Variants in SDCCAG8 observed in about 807,000 individuals in gnomAD.
The protein encoded by SDCCAG8 is serologically defined colon cancer antigen 8.
SDCCAG8 carries 74 observed loss-of-function variants against 101.8 expected under a neutral mutation model. The ratio of observed to expected loss-of-function variants is 0.73; its 90% confidence interval spans 0.60 to 0.88. The LOEUF (loss-of-function observed/expected upper bound fraction) is 0.88. SDCCAG8 is among the 40% of genes least tolerant of loss of function. The pLI is 0.00. For synonymous variants in SDCCAG8, 281 were observed against 292.9 expected, an observed-to-expected ratio of 0.96 and a Z score of 0.41; for missense variants, 787 against 822.6, an observed-to-expected ratio of 0.96 and a Z score of 0.53.
chr1:243,395,982 C>T (rs539061100), intron 13 of SDCCAG8, among the ~76,000 whole-genome samples: 1 of 152,136 alleles, frequency 6.6e-6, no homozygotes, highest in South Asian at 2.1e-4. Flanking sequence ...AATATAAAAG[C>T]AGCCTTATGA....
At chr1:243,455,741 A>G (rs2083693110) in intron 16 of SDCCAG8, among the ~76,000 whole-genome samples, 1 of 152,228 alleles carries the variant, frequency 6.6e-6, no homozygotes, top group African/African-American at 2.4e-5. Flanking sequence ...CATATTTACA[A>G]AATGGATTAG....
intron 13 of SDCCAG8, among the ~76,000 whole-genome samples, chr1:243,381,374 A>C (rs1398723827): frequency 1.3e-5 from 2 of 152,234 alleles, no homozygotes; most frequent in African/African-American, 2.4e-5. Flanking sequence ...GAATCACTTG[A>C]GGCTAAGAGT....
At chr1:243,277,019 A>C (rs1281937407) in intron 4 of SDCCAG8, among the ~76,000 whole-genome samples, 1 of 152,192 alleles carries the variant, frequency 6.6e-6, no homozygotes, top group Non-Finnish European at 1.5e-5. Flanking sequence ...CAATTAGATG[A>C]ATATACCATA....
chr1:243,401,949 C>T (rs759382739), intron 13 of SDCCAG8, among the ~76,000 whole-genome samples: 1 of 152,010 alleles, frequency 6.6e-6, no homozygotes, highest in Admixed American at 6.6e-5. Context: ...GAGGCACTTA[C>T]GTTTAGTAGT....
chr1:243,257,938 T>A (rs2066900099), intron 1 of SDCCAG8, among the ~76,000 whole-genome samples: 1 of 152,238 alleles, frequency 6.6e-6, no homozygotes, highest in Admixed American at 6.5e-5. Context: ...TAAGTCTTTA[T>A]ATAATTGTCG....
intron 16 of SDCCAG8, among the ~76,000 whole-genome samples, chr1:243,479,627 C>T (rs917119403): frequency 6.6e-6 from 1 of 152,126 alleles, no homozygotes; most frequent in Admixed American, 6.5e-5. Context: ...TGAAGTTTGC[C>T]GACCTCACTT....
intron 15 of SDCCAG8, among the ~76,000 whole-genome samples, chr1:243,420,269 C>T (rs1271445227): frequency 2.0e-5 from 3 of 152,182 alleles, no homozygotes; most frequent in Admixed American, 1.3e-4. Flanking sequence ...AGCCACACTG[C>T]AGGATTGTTA....
rs138372631 is a variant in SDCCAG8, at chr1:243,449,740, G to T, written c.1985+23182G>T. Reference sequence around the variant, plus strand: ...TTATGCCTCTGTGTTCACTAGCAGGGTTACCTCCTGTTAGGCCCGACTGGA... The same window carrying T: ...TTATGCCTCTGTGTTCACTAGCAGGTTTACCTCCTGTTAGGCCCGACTGGA... On this transcript the variant is annotated intron_variant, in intron 16 of 17. Transcript: ENST00000366541. Among the ~76,000 whole-genome samples the T allele has an allele frequency of 4.5e-3, 678 of 152,266 alleles. 5 individuals are homozygous for T. The highest frequency in any genetic ancestry group is 6.8e-3 in the Non-Finnish European group (461 of 68,008).
chr1:243,278,248 T>C (rs1197026612), intron 4 of SDCCAG8, among the ~76,000 whole-genome samples: 1 of 152,110 alleles, frequency 6.6e-6, no homozygotes, highest in Admixed American at 6.5e-5. Flanking sequence ...TGAGGTGGAG[T>C]CTCGCTCTGT....
chr1:243,465,248 C>T (rs1659898343), intron 16 of SDCCAG8, among the ~76,000 whole-genome samples: 1 of 152,238 alleles, frequency 6.6e-6, no homozygotes, highest in Non-Finnish European at 1.5e-5. Flanking sequence ...GCTGCCATGC[C>T]CAACACCTCC....
chr1:243,424,005 GT>G (rs1329047733), intron 15 of SDCCAG8, among the ~76,000 whole-genome samples: 2 of 152,048 alleles, frequency 1.3e-5, no homozygotes, highest in Non-Finnish European at 2.9e-5. Flanking sequence ...TGGTTTTGTT[GT>G]GCTATTTTTT....
intron 10 of SDCCAG8, among the ~76,000 whole-genome samples, chr1:243,338,421 C>CT (rs201615104): frequency 7.9e-4 from 111 of 140,896 alleles, no homozygotes; most frequent in East Asian, 1.4e-3. Flanking sequence ...CCTTACTTTT[C>CT]TTTTTTTTTT....
At chr1:243,365,161 T>TCTC (rs1450335855) in intron 12 of SDCCAG8, among the ~76,000 whole-genome samples, 1 of 152,026 alleles carries the variant, frequency 6.6e-6, no homozygotes, top group Non-Finnish European at 1.5e-5. Flanking sequence ...GCTTAGCGAG[T>TCTC]GGTTTAACTT....
chr1:243,304,930 A>G (rs1057473919), intron 7 of SDCCAG8, 153 bp downstream of exon 7: 3 of 613,308 alleles, frequency 4.9e-6, no homozygotes, highest in African/African-American at 1.9e-5. Context: ...TTATTAAAGG[A>G]TGAAAGGCCT....
intron 4 of SDCCAG8, among the ~76,000 whole-genome samples, chr1:243,279,834 G>T (rs2149275671): frequency 6.6e-6 from 1 of 152,156 alleles, no homozygotes; most frequent in African/African-American, 2.4e-5. Context: ...TTTCATCTAT[G>T]TTCATTAGAC....
chr1:243,465,057 A>T (rs1043134618), intron 16 of SDCCAG8, among the ~76,000 whole-genome samples: 1 of 152,210 alleles, frequency 6.6e-6, no homozygotes, highest in Non-Finnish European at 1.5e-5. Context: ...AACTAAATAC[A>T]GTTTCCTTTA....
intron 17 of SDCCAG8, among the ~76,000 whole-genome samples, chr1:243,497,920 G>T (rs55655818): frequency 0.18 from 27,711 of 152,140 alleles, 2,736 homozygotes; most frequent in East Asian, 0.27. Context: ...GGACTCAAGC[G>T]ATCCTATTGC....
intron 17 of SDCCAG8, among the ~76,000 whole-genome samples, chr1:243,495,775 G>A (rs547673093): frequency 4.7e-4 from 71 of 152,318 alleles, no homozygotes; most frequent in Non-Finnish European, 7.3e-4. Flanking sequence ...TCCTCAGTGC[G>A]TTGGTGGCGA....
intron 9 of SDCCAG8, among the ~76,000 whole-genome samples, chr1:243,327,882 C>A (rs1448029799): frequency 6.6e-6 from 1 of 152,034 alleles, no homozygotes; most frequent in Non-Finnish European, 1.5e-5. Context: ...AAAGTAAAAG[C>A]TATTTTTGTT....
Sources: gnomAD v4.1 joint callset for allele counts (sites outside exome capture counted in the v4.1 genomes callset) on GRCh38, gnomAD v4.1.1 for gene constraint, MANE v1.5 for transcripts, NCBI Gene and HGNC (gene_info 2026-07-23, HGNC 2026-07-21) for gene names.